AMY2A: variants seen among roughly 807,000 people sequenced by gnomAD.
AMY2A encodes amylase alpha 2A.
AMY2A carries 16 observed loss-of-function variants against 43.0 expected under a neutral mutation model. That is an observed-to-expected ratio of 0.37 (90% CI 0.25 to 0.56). The LOEUF (loss-of-function observed/expected upper bound fraction) is 0.56. Ranked by LOEUF, AMY2A falls within the 20% of genes least tolerant of loss-of-function variation. The pLI, the probability that AMY2A is intolerant of heterozygous loss-of-function variation, is 0.77. For missense variants in AMY2A, 212 were observed against 456.8 expected (o/e 0.46, Z 4.89); for synonymous variants, 70 against 144.6 (o/e 0.48, Z 3.70).
intron 7 of AMY2A, among the ~76,000 whole-genome samples, chr1:103,623,225 G>T (rs1192609724): frequency 8.6e-6 from 1 of 116,040 alleles, no homozygotes; most frequent in African/African-American, 3.4e-5. Context: ...ATTTTCTCAG[G>T]TACTAGTAAT....
At chr1:103,623,265 A>G (rs368446110) in intron 7 of AMY2A, among the ~76,000 whole-genome samples, 1 of 133,556 alleles carries the variant, frequency 7.5e-6, no homozygotes, top group East Asian at 1.9e-4. Context: ...TGGTGTTTCT[A>G]GTACTAATGC....
At chr1:103,617,916 A>C (rs751090353) in intron 1 of AMY2A, 38 bp from the exon 2 acceptor site, 1 of 1,600,032 alleles carries the variant, frequency 6.2e-7, no homozygotes, top group East Asian at 2.2e-5. Flanking sequence ...ACACAGTAAG[A>C]CAGAATTTGG....
chr1:103,616,743 G>A (rs571833985), upstream of AMY2A: 1 of 153,346 alleles, frequency 6.5e-6, no homozygotes, highest in African/African-American at 2.4e-5. Context: ...ACATATCTTT[G>A]ATTTCAGTCT....
At chr1:103,619,899 C>G in intron 4 of AMY2A, 115 bp downstream of exon 4, 2 of 1,505,746 alleles carry the variant, frequency 1.3e-6, no homozygotes, top group Non-Finnish European at 9.1e-7. Flanking sequence ...TTACATAAAA[C>G]AGTGTTCTTT....
chr1:103,617,981 A>G lies in AMY2A; in HGVS notation c.196A>G (p.Ile66Val), dbSNP rs749935390. 2 of 1,600,604 alleles carry G rather than the reference A, an allele frequency of 1.2e-6. No homozygotes were observed. The highest frequency in any genetic ancestry group is 1.7e-6 in the Non-Finnish European group (2 of 1,170,732). ...QVSPPNENVA[I>V]YNPFRPWWER... is the part of the protein sequence containing the mutation. ...CTCTCCACCAAATGAAAATGTTGCA[A>G]TTTACAACCCTTTCAGACCTTGGTG... The change falls in exon 2 of 10, where the codon ATT (isoleucine) becomes GTT (valine). Residue 66 changes from isoleucine to valine, a missense_variant. Physicochemically the swap from Ile to Val is conservative, Grantham distance 29 (BLOSUM62 3). Coordinates refer to ENST00000414303, the MANE Select transcript of AMY2A (RefSeq NM_000699.4).
Position 103,620,678 on chromosome 1 carries a change from AC to A in AMY2A, c.873del (p.Leu292Ter), listed in dbSNP as rs749326615. On this transcript the variant is annotated frameshift_variant, in exon 5 of 10. Transcript: ENST00000414303. LOFTEE classifies it high-confidence loss of function. ...IRKWNGEKMS[Y>X]LKNWGEGWGF... is the part of the protein sequence containing the mutation. ...AAGTGGAATGGAGAGAAGATGTCTT[AC>A]TTAAAGTAAATAAATACAACTTTTC... is the stretch of plus-strand genomic sequence containing the variant. 2.0e-6 allele frequency: 3 copies of A among 1,488,944 alleles called. No homozygotes were observed. Among genetic ancestry groups the A allele is most frequent in the Middle Eastern group, 2.4e-4 (1 of 4,238 alleles). The allele number at this position is 1,488,944 out of a possible 1,614,324, so 92.2% of individuals were successfully genotyped here.
chr1:103,617,737 G>A (rs1653117356), intron 1 of AMY2A, 129 bp downstream of exon 1: 10 of 1,556,056 alleles, frequency 6.4e-6, no homozygotes, highest in South Asian at 1.2e-5. Context: ...AGAGATTTCT[G>A]AGGGAAAATC....
upstream of AMY2A, chr1:103,617,296 G>A: frequency 6.8e-7 from 1 of 1,460,594 alleles, no homozygotes; most frequent in Admixed American, 2.0e-5. Context: ...TTACCTGTTA[G>A]GATTATTATT....
chr1:103,618,583 C>T (rs1653145815), intron 2 of AMY2A, among the ~76,000 whole-genome samples: 1 of 150,668 alleles, frequency 6.6e-6, no homozygotes, highest in African/African-American at 2.4e-5. Flanking sequence ...TGGTGACCCA[C>T]TGAAATTTCC....
chr1:103,619,251 T>G lies in AMY2A; in HGVS notation c.513+143T>G, dbSNP rs961924795. On this transcript the variant is annotated intron_variant, in intron 3 of 9. Transcript: ENST00000414303. The stretch of plus-strand genomic sequence containing the variant: ...AACAAGTTTGACTACTTTAAGAAAC[T>G]CAAATCCATATTTAAGAACTTTCAA... 8.0e-6 allele frequency: 7 copies of G among 873,628 alleles called. No individual in the cohort carries two copies. The African/African-American group carries it at 1.0e-4, about 13-fold the overall frequency. The allele number at this position is 873,628 out of a possible 1,614,324, so 54.1% of individuals were successfully genotyped here.
At chr1:103,617,255 A>T, upstream of AMY2A, 2 of 1,287,860 alleles carry the variant, frequency 1.6e-6, no homozygotes, top group Non-Finnish European at 2.1e-6. Context: ...GGTCATTTAG[A>T]TGATTTCCAT....
intron 2 of AMY2A, 114 bp from the exon 3 acceptor site, chr1:103,618,797 A>G (rs1040985530): frequency 1.4e-6 from 2 of 1,454,522 alleles, no homozygotes; most frequent in African/African-American, 2.8e-5. Flanking sequence ...AAATAATTAT[A>G]AGATATCATG....
chr1:103,616,952 G>C, upstream of AMY2A: 1 of 1,021,238 alleles, frequency 9.8e-7, no homozygotes, highest in Non-Finnish European at 1.2e-6. Flanking sequence ...TGTCAGGGTT[G>C]GAAAGTCCAA....
chr1:103,617,473 G>T lies in AMY2A; in HGVS notation c.33G>T (p.Gly11=). 6.2e-7 allele frequency: 1 copy of T among 1,600,642 alleles called. No homozygotes were observed. The highest frequency in any genetic ancestry group is 8.5e-7 in the Non-Finnish European group (1 of 1,170,688). MKFFLLLFTI[G]FCWAQYSPNT... ...TCTTTCTGTTGCTTTTCACCATTGG[G>T]TTCTGCTGGGCTCAGTATTCCCCAA... Residue 11 remains glycine, a synonymous_variant, in exon 1 of 10, where the codon GGG becomes GGT. Transcript: ENST00000414303.
At chr1:103,624,965 G>T in intron 9 of AMY2A, among the ~76,000 whole-genome samples, 1 of 130,986 alleles carries the variant, frequency 7.6e-6, no homozygotes, top group East Asian at 1.9e-4. Flanking sequence ...TTTCACTGAT[G>T]AAAAGTAAAT....
At chr1:103,620,467 C>G in intron 4 of AMY2A, 84 bp from the exon 5 acceptor site, 1 of 1,509,288 alleles carries the variant, frequency 6.6e-7, no homozygotes, top group Non-Finnish European at 9.1e-7. Context: ...TAGCATAAAG[C>G]TATTTTTATA....
At chr1:103,623,701 T>C (rs571675264) in intron 7 of AMY2A, among the ~76,000 whole-genome samples, 165 bp from the exon 8 acceptor site, 82 of 123,478 alleles carry the variant, frequency 6.6e-4, no homozygotes, top group Non-Finnish European at 1.2e-3. Context: ...AGAGAGATGA[T>C]GAAGACCCAG....
Position 103,617,598 on chromosome 1 carries a change from G to A in AMY2A, c.158G>A (p.Gly53Glu). 1 of 1,601,008 alleles carries A rather than the reference G, an allele frequency of 6.2e-7. No individual in the cohort carries two copies. The highest frequency in any genetic ancestry group is 8.5e-7 in the Non-Finnish European group (1 of 1,170,916). Reference protein sequence around the residue: ...CERYLAPKGFGGVQVSPPNEN... With the variant: ...CERYLAPKGFEGVQVSPPNEN... ...CGATATTTAGCTCCGAAGGGATTTG[G>A]AGGGGTTCAGGTGGGTATGATTCAT... Residue 53 changes from glycine (G) to glutamate (E), a missense_variant, in exon 1 of 10, where the codon GGA becomes GAA. This residue lies in a region of AMY2A where 199 missense variants were observed against 210.6 expected (regional missense o/e 0.94). Transcript: ENST00000414303.
rs767361249 is a variant in AMY2A, at chr1:103,617,918, A to T, written c.169-36A>T. ...AACATTCAATGATACACAGTAAGAC[A>T]GAATTTGGTACTTATGAAGACTGTT... On this transcript the variant is annotated intron_variant, in intron 1 of 9. Coordinates refer to ENST00000414303, the MANE Select transcript of AMY2A (RefSeq NM_000699.4). 1.3e-5 allele frequency: 20 copies of T among 1,599,966 alleles called. No individual in the cohort carries two copies. The African/African-American group carries it at 2.3e-4, about 18-fold the overall frequency.
Sources: gnomAD v4.1 joint callset for allele counts (sites outside exome capture counted in the v4.1 genomes callset) on GRCh38, gnomAD v4.1.1 for gene constraint, gnomAD v4.1.1 regional missense constraint, MANE v1.5 for transcripts, NCBI Gene and HGNC (gene_info 2026-07-23, HGNC 2026-07-21) for gene names.